WWOX: variants seen among roughly 807,000 people sequenced by gnomAD.
WWOX encodes the protein WW domain containing oxidoreductase.
In WWOX, 69 loss-of-function variants were observed where a neutral mutation model predicts 46.2. That is an observed-to-expected ratio of 1.49 (90% CI 1.23 to 1.82). The LOEUF (loss-of-function observed/expected upper bound fraction) is 1.82, where lower values mean the gene tolerates loss of function less well. Ranked by LOEUF, WWOX falls within the 40% of genes most tolerant of loss-of-function variation. The pLI is 0.00. For missense variants in WWOX, 919 were observed against 542.6 expected, an observed-to-expected ratio of 1.69 and a Z score of -6.89; for synonymous variants, 359 against 202.6, an observed-to-expected ratio of 1.77 and a Z score of -6.56.
chr16:78,413,811 G>A (rs961095852), intron 6 of WWOX, among the ~76,000 whole-genome samples: 1 of 151,966 alleles, frequency 6.6e-6, no homozygotes, highest in Non-Finnish European at 1.5e-5. Flanking sequence ...TCTGCATGGG[G>A]CCACCGTGTT....
chr16:78,474,158 G>A (rs927939882), intron 8 of WWOX, among the ~76,000 whole-genome samples: 1 of 152,158 alleles, frequency 6.6e-6, no homozygotes, highest in South Asian at 2.1e-4. Flanking sequence ...AAATGGTTCT[G>A]CTGAAATTTT....
intron 8 of WWOX, among the ~76,000 whole-genome samples, chr16:78,970,661 T>C (rs1275180798): frequency 4.6e-5 from 7 of 152,112 alleles, no homozygotes; most frequent in African/African-American, 1.4e-4. Context: ...CATGAGAAAT[T>C]TGCTGAGAAT....
intron 5 of WWOX, among the ~76,000 whole-genome samples, chr16:78,325,386 C>T (rs563446098): frequency 2.0e-5 from 3 of 152,192 alleles, no homozygotes; most frequent in Non-Finnish European, 4.4e-5. Context: ...TCCAATTGTT[C>T]TATTGCAGTA....
At chr16:79,073,150 G>GTTATTATTA (rs58438039) in intron 8 of WWOX, among the ~76,000 whole-genome samples, 3,856 of 143,076 alleles carry the variant, frequency 0.027, 70 homozygotes, top group East Asian at 0.051. Context: ...GTAGTTATTC[G>GTTATTATTA]TTATTATTAT....
chr16:78,108,404 A>ATT lies in WWOX; in HGVS notation c.108-14_108-13dup, dbSNP rs146697931. 1,244 of 1,549,780 alleles carry ATT rather than the reference A, an allele frequency of 8.0e-4. 3 individuals are homozygous for ATT. The African/African-American group carries it at 0.014, about 17-fold the overall frequency. On this transcript the variant is annotated intron_variant, in intron 1 of 8. Coordinates refer to ENST00000566780, the MANE Select transcript of WWOX (RefSeq NM_016373.4). ...AGTTAATTTTTACTTATTACTGTGG[A>ATT]TTTTTTGTTTTTTAACAGTCACACC...
chr16:78,594,046 G>T (rs994887390), intron 8 of WWOX, among the ~76,000 whole-genome samples: 1 of 152,132 alleles, frequency 6.6e-6, no homozygotes. Context: ...TCGTGAGGCG[G>T]AGATGTGAGA....
At chr16:78,531,857 C>G (rs1317941920) in intron 8 of WWOX, among the ~76,000 whole-genome samples, 1 of 152,012 alleles carries the variant, frequency 6.6e-6, no homozygotes, top group African/African-American at 2.4e-5. Context: ...GACTCTGTCT[C>G]AAAATAAACA....
chr16:78,566,514 C>T (rs2044572244), intron 8 of WWOX, among the ~76,000 whole-genome samples: 1 of 152,124 alleles, frequency 6.6e-6, no homozygotes, highest in East Asian at 1.9e-4. Context: ...TGTGAGGCAT[C>T]CATGTGAGGC....
At chr16:78,859,399 T>G (rs1200121556) in intron 8 of WWOX, among the ~76,000 whole-genome samples, 1 of 152,090 alleles carries the variant, frequency 6.6e-6, no homozygotes, top group Non-Finnish European at 1.5e-5. Context: ...TACCTTGCAG[T>G]ACTTTTGGGA....
chr16:78,709,064 G>C (rs899553981), intron 8 of WWOX, among the ~76,000 whole-genome samples: 15 of 152,068 alleles, frequency 9.9e-5, no homozygotes, highest in Non-Finnish European at 1.8e-4. Context: ...CTTATGAAGT[G>C]ACATCATTCA....
At chr16:79,136,036 A>T (rs1168236674) in intron 8 of WWOX, among the ~76,000 whole-genome samples, 1 of 152,104 alleles carries the variant, frequency 6.6e-6, no homozygotes, top group Non-Finnish European at 1.5e-5. Flanking sequence ...CTGTGCAGCA[A>T]TTTTAACTTT....
chr16:79,198,340 A>G (rs951864373), intron 8 of WWOX, among the ~76,000 whole-genome samples: 1 of 152,200 alleles, frequency 6.6e-6, no homozygotes, highest in Non-Finnish European at 1.5e-5. Context: ...TCTCAAAAAA[A>G]GAGAAAAGTA....
intron 8 of WWOX, among the ~76,000 whole-genome samples, chr16:78,908,913 A>G (rs1847591): frequency 0.35 from 53,356 of 152,140 alleles, 10,776 homozygotes; most frequent in Middle Eastern, 0.49. Context: ...AGAATCTTGC[A>G]GCCTCCGGCA....
intron 8 of WWOX, among the ~76,000 whole-genome samples, chr16:78,722,698 GTTTTTTTTTTTT>G (rs56266240): frequency 3.4e-5 from 4 of 116,304 alleles, no homozygotes; most frequent in East Asian, 2.6e-4. Flanking sequence ...GTTTGTCTCT[GTTTTTTTTTTTT>G]TTTTTTTTTT....
chr16:78,438,926 C>A (rs574687436), intron 8 of WWOX, among the ~76,000 whole-genome samples: 2 of 152,242 alleles, frequency 1.3e-5, no homozygotes, highest in South Asian at 4.1e-4. Flanking sequence ...GGTAATTCTG[C>A]CCTTGAATAA....
chr16:78,487,955 A>C (rs2084680723), intron 8 of WWOX, among the ~76,000 whole-genome samples: 1 of 152,318 alleles, frequency 6.6e-6, no homozygotes, highest in Admixed American at 6.5e-5. Flanking sequence ...CCCTAGGATC[A>C]TTATCCCACC....
chr16:78,799,517 G>A (rs1374938251), intron 8 of WWOX, among the ~76,000 whole-genome samples: 3 of 152,136 alleles, frequency 2.0e-5, no homozygotes, highest in Non-Finnish European at 4.4e-5. Context: ...GTCATCACAT[G>A]TCATTTTAGA....
At chr16:78,144,105 C>T (rs1238771720) in intron 4 of WWOX, among the ~76,000 whole-genome samples, 1 of 152,010 alleles carries the variant, frequency 6.6e-6, no homozygotes, top group African/African-American at 2.4e-5. Flanking sequence ...TGCCCCTTGG[C>T]TCAGGCAATT....
chr16:78,517,294 C>G (rs1356855781), intron 8 of WWOX, among the ~76,000 whole-genome samples: 3 of 152,070 alleles, frequency 2.0e-5, no homozygotes, highest in Non-Finnish European at 4.4e-5. Context: ...TCTTGCTAAA[C>G]TAGGAACTGT....
Sources: gnomAD v4.1 joint callset for allele counts (sites outside exome capture counted in the v4.1 genomes callset) on GRCh38, gnomAD v4.1.1 for gene constraint, MANE v1.5 for transcripts, NCBI Gene and HGNC (gene_info 2026-07-23, HGNC 2026-07-21) for gene names.